Variants in GALNT13 observed in about 807,000 individuals in gnomAD.
The protein encoded by GALNT13 is polypeptide N-acetylgalactosaminyltransferase 13, also known as UDP-GalNAc:polypeptide N-acetylgalactosaminyltransferase 13.
A neutral mutation model predicts 64.2 loss-of-function variants in GALNT13; 28 were observed. The ratio of observed to expected loss-of-function variants is 0.44; its 90% confidence interval spans 0.32 to 0.60. The LOEUF (loss-of-function observed/expected upper bound fraction) is 0.60. Among genes scored for constraint, GALNT13 ranks in the 20% least tolerant of loss-of-function variants. The pLI, the probability that GALNT13 is intolerant of heterozygous loss-of-function variation, is 0.05. For synonymous variants in GALNT13, 214 were observed against 224.6 expected (o/e 0.95, Z 0.42); for missense variants, 577 against 669.8 (o/e 0.86, Z 1.53).
the GALNT13 span, among the ~76,000 whole-genome samples, chr2:153,164,027 A>AAG: frequency 6.6e-6 from 1 of 152,120 alleles, no homozygotes; most frequent in African/African-American, 2.4e-5. Flanking sequence ...CAAAAAAAAA[A>AAG]AAAAAAAATG....
the GALNT13 span, among the ~76,000 whole-genome samples, chr2:153,633,278 A>G: frequency 1.3e-5 from 2 of 152,238 alleles, no homozygotes; most frequent in East Asian, 1.9e-4. Flanking sequence ...GTGCAGTTCA[A>G]TTCATATTTC....
chr2:153,288,244 ATAT>A, the GALNT13 span, among the ~76,000 whole-genome samples: 1 of 152,192 alleles, frequency 6.6e-6, no homozygotes, highest in Non-Finnish European at 1.5e-5. Flanking sequence ...TAGTACACAG[ATAT>A]TATAAAGAAT....
chr2:154,086,534 T>A (rs943270812), intron 3 of GALNT13, among the ~76,000 whole-genome samples: 2 of 151,454 alleles, frequency 1.3e-5, no homozygotes, highest in African/African-American at 4.8e-5. Flanking sequence ...TGTATATCCA[T>A]TTGCATAAAG....
At chr2:154,158,069 G>C (rs888919279) in intron 4 of GALNT13, among the ~76,000 whole-genome samples, 1 of 152,092 alleles carries the variant, frequency 6.6e-6, no homozygotes, top group Non-Finnish European at 1.5e-5. Flanking sequence ...TTCATGTAGT[G>C]TGTCAATGTT....
intron 8 of GALNT13, among the ~76,000 whole-genome samples, chr2:154,269,438 T>C (rs1691200174): frequency 1.3e-5 from 2 of 151,998 alleles, no homozygotes; most frequent in South Asian, 4.1e-4. Context: ...ACTGGTTTTT[T>C]TTTTTGGATC....
At chr2:154,000,897 T>G (rs1695861145) in intron 3 of GALNT13, among the ~76,000 whole-genome samples, 1 of 152,032 alleles carries the variant, frequency 6.6e-6, no homozygotes, top group African/African-American at 2.4e-5. Flanking sequence ...AGTTGACATC[T>G]CCTACTATTA....
the GALNT13 span, among the ~76,000 whole-genome samples, chr2:153,819,036 G>C: frequency 6.6e-6 from 1 of 152,136 alleles, no homozygotes; most frequent in Admixed American, 6.5e-5. Flanking sequence ...CATGTATTGT[G>C]CTAGGGACTG....
chr2:153,509,810 G>A, the GALNT13 span, among the ~76,000 whole-genome samples: 3 of 152,134 alleles, frequency 2.0e-5, no homozygotes, highest in African/African-American at 7.2e-5. Flanking sequence ...GGCCTTTTAT[G>A]TTTGCCTCAG....
chr2:154,071,782 GC>G (rs1394642862), intron 3 of GALNT13, among the ~76,000 whole-genome samples: 1 of 152,030 alleles, frequency 6.6e-6, no homozygotes, highest in African/African-American at 2.4e-5. Flanking sequence ...CCTTTTTGCA[GC>G]CTAGTTAGTG....
At chr2:153,652,391 C>T in the GALNT13 span, among the ~76,000 whole-genome samples, 1 of 151,976 alleles carries the variant, frequency 6.6e-6, no homozygotes, top group Non-Finnish European at 1.5e-5. Context: ...GAGACTGAGG[C>T]GGGAGGATCA....
the GALNT13 span, among the ~76,000 whole-genome samples, chr2:153,602,460 T>C: frequency 6.6e-6 from 1 of 151,202 alleles, no homozygotes; most frequent in East Asian, 2.0e-4. Context: ...TAGGAGACCA[T>C]ATAATACCCT....
intron 9 of GALNT13, among the ~76,000 whole-genome samples, chr2:154,306,745 C>T (rs1014359286): frequency 5.3e-5 from 8 of 151,864 alleles, no homozygotes; most frequent in Admixed American, 1.3e-4. Context: ...CCAGATTACC[C>T]GTCTGAGTGG....
intron 11 of GALNT13, among the ~76,000 whole-genome samples, chr2:154,431,346 C>T (rs1364972873): frequency 2.6e-5 from 4 of 151,860 alleles, no homozygotes; most frequent in Non-Finnish European, 4.4e-5. Context: ...TTTGAGAAAA[C>T]GTTTGTTTGT....
intron 3 of GALNT13, among the ~76,000 whole-genome samples, chr2:154,122,265 T>G (rs896849094): frequency 6.6e-6 from 1 of 152,082 alleles, no homozygotes; most frequent in African/African-American, 2.4e-5. Flanking sequence ...ATAAATAAAT[T>G]TAAGTAATCT....
chr2:153,321,725 C>T, the GALNT13 span, among the ~76,000 whole-genome samples: 1 of 152,174 alleles, frequency 6.6e-6, no homozygotes, highest in African/African-American at 2.4e-5. Context: ...CTCCCCTAAA[C>T]TTCCCAGTGG....
chr2:153,875,122 A>G (rs116110547), intron 1 of GALNT13, among the ~76,000 whole-genome samples: 14,982 of 151,722 alleles, frequency 0.099, 1,761 homozygotes, highest in East Asian at 0.61. Context: ...ATATATATAT[A>G]TATATATGAG....
the GALNT13 span, among the ~76,000 whole-genome samples, chr2:153,593,440 G>A: frequency 2.6e-5 from 4 of 152,096 alleles, no homozygotes; most frequent in African/African-American, 4.8e-5. Context: ...TTCAAGTAGC[G>A]TGTGAGCTCA....
chr2:153,683,411 A>C, the GALNT13 span, among the ~76,000 whole-genome samples: 1 of 141,420 alleles, frequency 7.1e-6, no homozygotes, highest in Admixed American at 7.5e-5. Flanking sequence ...TTTTATAAAA[A>C]ATTGTGGTTT....
chr2:153,620,719 A>G, the GALNT13 span, among the ~76,000 whole-genome samples: 3 of 151,962 alleles, frequency 2.0e-5, no homozygotes, highest in African/African-American at 7.2e-5. Context: ...TTTAAATTCT[A>G]TGAAAAGTCC....
Sources: allele counts gnomAD v4.1 joint callset (sites outside exome capture counted in the v4.1 genomes callset), GRCh38; gene constraint gnomAD v4.1.1; transcripts MANE v1.5; gene names NCBI Gene and HGNC (gene_info 2026-07-23, HGNC 2026-07-21).